Variants in CACNA1I observed in about 807,000 individuals in gnomAD.
CACNA1I encodes calcium voltage-gated channel subunit alpha1 I.
A neutral mutation model predicts 201.6 loss-of-function variants in CACNA1I; 74 were observed. That is an observed-to-expected ratio of 0.37 (90% CI 0.30 to 0.45). The LOEUF (loss-of-function observed/expected upper bound fraction) is 0.45, where lower values mean the gene tolerates loss of function less well. Ranked by LOEUF, CACNA1I falls within the 20% of genes least tolerant of loss-of-function variation. CACNA1I has a pLI of 1.00. For synonymous variants in CACNA1I, 1,431 were observed against 1,345.2 expected, an observed-to-expected ratio of 1.06 and a Z score of -1.40; for missense variants, 2,346 against 3,138.1, an observed-to-expected ratio of 0.75 and a Z score of 6.03.
intron 23 of CACNA1I, among the ~76,000 whole-genome samples, chr22:39,668,016 A>G (rs1000249807): frequency 3.9e-5 from 6 of 152,060 alleles, no homozygotes; most frequent in South Asian, 2.1e-4. Flanking sequence ...TTTGCCCAAG[A>G]TCACACAGCT....
Position 39,680,981 on chromosome 22 carries a change from T to C in CACNA1I, c.5593T>C (p.Ser1865Pro), listed in dbSNP as rs745799285. 1.9e-6 allele frequency: 3 copies of C among 1,612,050 alleles called. No homozygotes were observed. The highest frequency in any genetic ancestry group is 2.5e-6 in the Non-Finnish European group (3 of 1,179,580). ...AFSLNSDRSS[S>P]ILLGDDLSLE... is the part of the protein sequence containing the mutation. ...CTCCCTGAACTCAGACAGGTCCTCG[T>C]CCATCCTGCTGGGTGACGACCTGAG... Residue 1865 changes from serine to proline, a missense_variant, in exon 34 of 37, where the codon TCC becomes CCC. By Grantham distance (74) the Ser-to-Pro change is moderately conservative (BLOSUM62 -1). Coordinates refer to ENST00000402142, the MANE Select transcript of CACNA1I (RefSeq NM_021096.4).
intron 4 of CACNA1I, among the ~76,000 whole-genome samples, chr22:39,622,666 C>T (rs1933782059): frequency 6.7e-6 from 1 of 149,384 alleles, no homozygotes; most frequent in African/African-American, 2.5e-5. Flanking sequence ...CAGGTGTGAG[C>T]GAATGGCCGG....
intron 15 of CACNA1I, 42 bp downstream of exon 15, chr22:39,660,479 TCTC>T (rs1934971201): frequency 7.0e-7 from 1 of 1,428,186 alleles, no homozygotes; most frequent in Non-Finnish European, 9.7e-7. Flanking sequence ...CCCAGAGCCT[TCTC>T]CACAGATCCA....
chr22:39,595,475 A>C (rs951755039), intron 1 of CACNA1I, among the ~76,000 whole-genome samples: 2 of 151,804 alleles, frequency 1.3e-5, no homozygotes, highest in African/African-American at 4.8e-5. Flanking sequence ...AATACAAAAA[A>C]TTAGCCGGGC....
In CACNA1I at chr22:39,659,187, G is replaced by A; in HGVS notation, c.2330+71G>A. ...TGTGGGCGGGAGCCTGGGGGATGTG[G>A]TCCACTGTGCTTCTCTGGACAAAGC... is the stretch of plus-strand genomic sequence containing the variant. On this transcript the variant is annotated intron_variant, in intron 12 of 36. Coordinates refer to ENST00000402142, the MANE Select transcript of CACNA1I (RefSeq NM_021096.4). This position sits in a 1 kb window ranked among gnomAD's most constrained non-coding sequence, Gnocchi z 4.3. 6.4e-7 allele frequency: 1 copy of A among 1,573,376 alleles called. No individual in the cohort carries two copies. Among genetic ancestry groups the A allele is most frequent in the Non-Finnish European group, 8.6e-7 (1 of 1,158,612 alleles).
Position 39,570,803 on chromosome 22 carries a change from T to TGAGCCAG in CACNA1I, c.55_61dup (p.Val21AlafsTer28). 1 of 1,613,284 alleles carries TGAGCCAG rather than the reference T, an allele frequency of 6.2e-7. No individual in the cohort carries two copies. The highest frequency in any genetic ancestry group is 8.5e-7 in the Non-Finnish European group (1 of 1,179,814). On this transcript the variant is annotated frameshift_variant, in exon 1 of 37. Coordinates refer to ENST00000402142, the MANE Select transcript of CACNA1I (RefSeq NM_021096.4). LOFTEE classifies it high-confidence loss of function. ...CCTCATCTGCAGCAGCCCCAGCCGCTGAGCCAGGAGTCACCACGGAGCAGC... is the reference window on the plus strand; with the variant it reads ...CCTCATCTGCAGCAGCCCCAGCCGCTGAGCCAGGAGCCAGGAGTCACCACGGAGCAGC...
intron 4 of CACNA1I, among the ~76,000 whole-genome samples, chr22:39,626,183 C>T (rs1427104711): frequency 6.6e-6 from 1 of 152,216 alleles, no homozygotes; most frequent in African/African-American, 2.4e-5. Flanking sequence ...GCTGTGGGAC[C>T]CTGAGTAAGC....
Position 39,677,947 on chromosome 22 carries a change from C to T in CACNA1I, c.4934-40C>T, listed in dbSNP as rs1242916519. 3 of 1,548,216 alleles carry T rather than the reference C, an allele frequency of 1.9e-6. No homozygotes were observed. Among genetic ancestry groups the T allele is most frequent in the Admixed American group, 3.8e-5 (2 of 52,266 alleles). On this transcript the variant is annotated intron_variant, in intron 30 of 36. Transcript: ENST00000402142. The surrounding 1 kb of genome is among the most constrained non-coding windows in gnomAD (Gnocchi z 4.8). Reference sequence around the variant, plus strand: ...CAGGTCAGGGTGAGCCCCGCAGGCACTCCGCCATCGGGCAGGGCTGACCTC... The same window carrying T: ...CAGGTCAGGGTGAGCCCCGCAGGCATTCCGCCATCGGGCAGGGCTGACCTC...
At chr22:39,612,729 A>G (rs9306337) in intron 3 of CACNA1I, among the ~76,000 whole-genome samples, 11,103 of 152,278 alleles carry the variant, frequency 0.073, 476 homozygotes, top group African/African-American at 0.11. Flanking sequence ...GTGGATATAA[A>G]TATTCAGACC....
At chr22:39,595,494 A>G (rs186253792) in intron 1 of CACNA1I, among the ~76,000 whole-genome samples, 3,029 of 150,422 alleles carry the variant, frequency 0.02, 74 homozygotes, top group African/African-American at 0.069. Flanking sequence ...GCATAGTGGC[A>G]GGCGCCTGTA....
At chr22:39,664,523 G>A (rs1450292368) in intron 20 of CACNA1I, among the ~76,000 whole-genome samples, 1 of 152,110 alleles carries the variant, frequency 6.6e-6, no homozygotes, top group African/African-American at 2.4e-5. Context: ...AGGGCGGCCT[G>A]CTGGGCCCTG....
At chr22:39,580,214 C>G (rs113018750) in intron 1 of CACNA1I, among the ~76,000 whole-genome samples, 1 of 152,180 alleles carries the variant, frequency 6.6e-6, no homozygotes, top group Non-Finnish European at 1.5e-5. Flanking sequence ...GCTGTCCAGA[C>G]GGGAGGCCAG....
intron 29 of CACNA1I, among the ~76,000 whole-genome samples, chr22:39,675,479 C>A (rs967239140): frequency 3.3e-5 from 5 of 152,170 alleles, no homozygotes; most frequent in African/African-American, 1.2e-4. Flanking sequence ...CAGGACATCC[C>A]AGCCTCCAGC....
At chr22:39,605,104 C>T (rs867274501) in intron 3 of CACNA1I, among the ~76,000 whole-genome samples, 1 of 150,520 alleles carries the variant, frequency 6.6e-6, no homozygotes, top group Non-Finnish European at 1.5e-5. Context: ...ACCCACCCCC[C>T]AAATCCCACC....
intron 1 of CACNA1I, among the ~76,000 whole-genome samples, chr22:39,578,176 G>A (rs909202894): frequency 2.6e-5 from 4 of 152,096 alleles, no homozygotes; most frequent in African/African-American, 9.7e-5. Flanking sequence ...TGTTGGGAGA[G>A]GAATGGCGCC....
At chr22:39,611,746 A>G (rs539264228) in intron 3 of CACNA1I, among the ~76,000 whole-genome samples, 2 of 152,204 alleles carry the variant, frequency 1.3e-5, no homozygotes, top group Non-Finnish European at 2.9e-5. Context: ...AGTAACCCAA[A>G]TGGAGGCTTG....
At chr22:39,640,691 T>G (rs1291992587) in intron 5 of CACNA1I, among the ~76,000 whole-genome samples, 176 bp from the exon 6 acceptor site, 1 of 148,960 alleles carries the variant, frequency 6.7e-6, no homozygotes. Flanking sequence ...CCAGTGGGGG[T>G]TTTCATGGCC....
intron 3 of CACNA1I, among the ~76,000 whole-genome samples, chr22:39,618,758 G>T (rs1297078739): frequency 6.6e-6 from 1 of 152,004 alleles, no homozygotes; most frequent in Admixed American, 6.6e-5. Context: ...GGAAATGCAG[G>T]CCGGGCCCAT....
chr22:39,571,513 T>C (rs1318888614), intron 1 of CACNA1I, among the ~76,000 whole-genome samples: 1 of 152,200 alleles, frequency 6.6e-6, no homozygotes, highest in Non-Finnish European at 1.5e-5. Context: ...AAGACTGTCA[T>C]GATTTGCTAT....
Sources: gnomAD v4.1 joint callset for allele counts (sites outside exome capture counted in the v4.1 genomes callset) on GRCh38, gnomAD v4.1.1 for gene constraint, Gnocchi (gnomAD v3.1) non-coding constraint, MANE v1.5 for transcripts, NCBI Gene and HGNC (gene_info 2026-07-23, HGNC 2026-07-21) for gene names.